The following NSUN5 variants were observed in gnomAD, a reference collection of about 807,000 sequenced individuals.
NSUN5 encodes the protein 28S rRNA (cytosine-C(5))-methyltransferase.
NSUN5 carries 39 observed loss-of-function variants against 51.1 expected under a neutral mutation model. That is an observed-to-expected ratio of 0.76 (90% CI 0.59 to 1.00). The LOEUF (loss-of-function observed/expected upper bound fraction) is 1.00. Ranked by LOEUF, NSUN5 falls within the 50% of genes least tolerant of loss-of-function variation. NSUN5 has a pLI of 0.00. For synonymous variants in NSUN5, 266 were observed against 271.5 expected, an observed-to-expected ratio of 0.98 and a Z score of 0.20; for missense variants, 526 against 614.0, an observed-to-expected ratio of 0.86 and a Z score of 1.51.
At position 73,303,638 on chromosome 7, in the gene NSUN5, G is replaced by C; in HGVS notation, c.1248C>G (p.Gly416=). 2 of 1,614,192 alleles carry C rather than the reference G, an allele frequency of 1.2e-6. No homozygotes were observed. The highest frequency in any genetic ancestry group is 1.7e-6 in the Non-Finnish European group (2 of 1,180,036). ...CCCGTTCAATTACAGCAACGAAGAA[G>C]CCACTGCTGAGTGTGGTCTCAGGGG... ...RASPETTLSS[G]FFVAVIERVE... Residue 416 remains glycine (G), a synonymous_variant, in exon 9 of 10, where the codon GGC becomes GGG. Coordinates refer to ENST00000438747, the MANE Select transcript of NSUN5 (RefSeq NM_148956.4).
rs2115669047 is a variant in NSUN5 at position 73,307,440 on chromosome 7, C to T, written c.454G>A (p.Asp152Asn). The T allele has an allele frequency of 6.2e-7, 1 of 1,614,126 alleles. No homozygotes were observed. The highest frequency in any genetic ancestry group is 2.2e-5 in the East Asian group (1 of 44,886). The change falls in exon 4 of 10, where the codon GAT becomes AAT. Residue 152 changes from aspartate (D) to asparagine (N), a missense_variant. Coordinates refer to ENST00000438747, the MANE Select transcript of NSUN5 (RefSeq NM_148956.4). ...TLKTCSDDVV[D>N]YFKRQGFSYQ... is the part of the protein sequence containing the mutation. ...GAGAAACCTTGTCTCTTGAAATAAT[C>T]AACTACATCATCGGAGCAGGTCTTG...
In NSUN5 at chr7:73,305,093, C is replaced by T. The variant is rs782511624; in HGVS notation, c.505G>A (p.Asp169Asn). The T allele has an allele frequency of 5.0e-6, 8 of 1,609,760 alleles. No homozygotes were observed. The highest frequency in any genetic ancestry group is 3.3e-5 in the South Asian group (3 of 90,858). ...TTCCCCTTGAGGGCTCGTAAGTCAT[C>T]GAGGCTGCCAGGGAAGAACCATTCA... The part of the protein sequence containing the change: ...FSYQGRASSL[D>N]DLRALKGKHF... Residue 169 changes from aspartate to asparagine, a missense_variant, in exon 5 of 10, where the codon GAT becomes AAT. By Grantham distance (23) the Asp-to-Asn change is conservative. Coordinates refer to ENST00000438747, the MANE Select transcript of NSUN5 (RefSeq NM_148956.4).
rs374889055 is a variant in NSUN5 at position 73,303,953 on chromosome 7, G to A, written c.1018C>T (p.Arg340Ter). The change falls in exon 8 of 10, where the codon CGA becomes TGA. Residue 340 changes from arginine to a stop codon, truncating the protein, a stop_gained. Transcript: ENST00000438747. LOFTEE classifies it high-confidence loss of function. ...RLHALAGFQQ[R>*]ALCHALTFPS... is the part of the protein sequence containing the mutation. ...AAAGTGAGTGCGTGGCACAGGGCTC[G>A]CTGCTGGAACCCTGCCAGGGCATGC... 54 of 1,613,892 alleles carry A rather than the reference G, an allele frequency of 3.3e-5. No individual in the cohort carries two copies. Among genetic ancestry groups the A allele is most frequent in the Admixed American group, 5.0e-5 (3 of 59,998 alleles).
chr7:73,303,649 G>A lies in NSUN5; in HGVS notation c.1237C>T (p.Leu413Phe), dbSNP rs1215355357. Residue 413 changes from leucine (L) to phenylalanine (F), a missense_variant, in exon 9 of 10, where the codon CTC (leucine) becomes TTC (phenylalanine). Coordinates refer to ENST00000438747, the MANE Select transcript of NSUN5 (RefSeq NM_148956.4). The stretch of plus-strand genomic sequence containing the variant: ...ACAGCAACGAAGAAGCCACTGCTGA[G>A]TGTGGTCTCAGGGGAGGCCCGGAGG... Reference protein sequence around the residue: ...HCLRASPETTLSSGFFVAVIE... With the variant: ...HCLRASPETTFSSGFFVAVIE... 1.2e-6 allele frequency: 2 copies of A among 1,614,086 alleles called. No homozygotes were observed. Among genetic ancestry groups the A allele is most frequent in the African/African-American group, 2.7e-5 (2 of 74,932 alleles).
intron 1 of NSUN5, 55 bp downstream of exon 1, chr7:73,308,643 C>T: frequency 6.3e-7 from 1 of 1,588,414 alleles, no homozygotes; most frequent in African/African-American, 1.3e-5. Flanking sequence ...GCCCGTCCGA[C>T]CCCACCCCGG....
At position 73,303,609 on chromosome 7, in the gene NSUN5, T is replaced by C. The variant is rs781890080; in HGVS notation, c.1277A>G (p.Glu426Gly). 1.2e-6 allele frequency: 2 copies of C among 1,614,168 alleles called. No individual in the cohort carries two copies. Among genetic ancestry groups the C allele is most frequent in the Admixed American group, 3.3e-5 (2 of 60,028 alleles). The change falls in exon 9 of 10, where the codon GAG (glutamate) becomes GGG (glycine). Residue 426 changes from glutamate to glycine, a missense_variant. Glu to Gly is a moderately conservative substitution (Grantham distance 98, BLOSUM62 -2). Transcript: ENST00000438747. ...GFFVAVIERV[E>G]VPSSASQAKA... ...GCCCCCACTCACTCACCTTGGCACCTCGACCCGTTCAATTACAGCAACGAA... is the reference window on the plus strand; with the variant it reads ...GCCCCCACTCACTCACCTTGGCACCCCGACCCGTTCAATTACAGCAACGAA...
chr7:73,302,993 G>A lies in NSUN5; in HGVS notation c.*422C>T, dbSNP rs1554540871. ...ACCTTATGTAAGGTAGACCCTCCTA[G>A]TGTCAGCACCTGAGCTAGTTTACCT... is the stretch of plus-strand genomic sequence containing the variant. On this transcript the variant is annotated 3_prime_UTR_variant, in exon 10 of 10. Coordinates refer to ENST00000438747, the MANE Select transcript of NSUN5 (RefSeq NM_148956.4). 8.2e-7 allele frequency: 1 copy of A among 1,219,816 alleles called. No homozygotes were observed. The highest frequency in any genetic ancestry group is 4.4e-5 in the East Asian group (1 of 22,622). 75.6% of individuals were successfully genotyped at this position (1,219,816 alleles called of 1,614,324 possible).
intron 4 of NSUN5, 147 bp downstream of exon 4, chr7:73,307,247 G>T: frequency 1.6e-6 from 1 of 617,962 alleles, no homozygotes. Flanking sequence ...TTAAGGGATG[G>T]CAGGAAGACA....
Position 73,308,423 on chromosome 7 carries a change from C to A in NSUN5, c.216+8G>T, listed in dbSNP as rs782217097. ...GGGTTCACTTCCCCGTCCCTCCCCT[C>A]CCCTCACCTTGGCCAGGTGCGGCCG... On this transcript the variant is annotated splice_region_variant and intron_variant, in intron 2 of 9. Coordinates refer to ENST00000438747, the MANE Select transcript of NSUN5 (RefSeq NM_148956.4). 4 of 1,595,202 alleles carry A rather than the reference C, an allele frequency of 2.5e-6. No homozygotes were observed. Among genetic ancestry groups the A allele is most frequent in the East Asian group, 2.2e-5 (1 of 44,554 alleles).
intron 2 of NSUN5, 116 bp from the exon 3 acceptor site, chr7:73,307,873 A>G (rs1298342659): frequency 3.3e-6 from 3 of 912,780 alleles, no homozygotes; most frequent in Non-Finnish European, 4.9e-6. Flanking sequence ...ATCACCTGAC[A>G]AGATACAGGT....
chr7:73,304,205 C>G (rs781967315), intron 7 of NSUN5, 25 bp downstream of exon 7: 2 of 1,586,494 alleles, frequency 1.3e-6, no homozygotes, highest in Non-Finnish European at 1.7e-6. Context: ...GCGAGTCCCT[C>G]GGCCACGCTT....
intron 4 of NSUN5, among the ~76,000 whole-genome samples, chr7:73,306,581 GA>G (rs1405316456): frequency 6.6e-6 from 1 of 151,714 alleles, no homozygotes; most frequent in East Asian, 2.0e-4. Context: ...CCGAGGGGCT[GA>G]AGAGAAAGGA....
At position 73,305,074 on chromosome 7, in the gene NSUN5, T is replaced by C. The variant is rs1374181854; in HGVS notation, c.524A>G (p.Lys175Arg). ...GGGGTCCAGGAGAAAATGCTTCCCC[T>C]TGAGGGCTCGTAAGTCATCGAGGCT... ...ASSLDDLRALKGKHFLLDPLM... is the reference protein window; with the variant it reads ...ASSLDDLRALRGKHFLLDPLM... The change falls in exon 5 of 10, where the codon AAG becomes AGG. Residue 175 changes from lysine (K) to arginine (R), a missense_variant. Coordinates refer to ENST00000438747, the MANE Select transcript of NSUN5 (RefSeq NM_148956.4). The C allele has an allele frequency of 1.4e-5, 23 of 1,610,466 alleles. 1 individual carries two copies. The highest frequency in any genetic ancestry group is 1.9e-5 in the Non-Finnish European group (22 of 1,177,846).
At chr7:73,307,873 A>C in intron 2 of NSUN5, 116 bp from the exon 3 acceptor site, 1 of 912,898 alleles carries the variant, frequency 1.1e-6, no homozygotes, top group South Asian at 1.8e-5. Context: ...ATCACCTGAC[A>C]AGATACAGGT....
Position 73,304,421 on chromosome 7 carries a change from A to G in NSUN5, c.756-13T>C. 6.2e-7 allele frequency: 1 copy of G among 1,605,076 alleles called. No homozygotes were observed. The highest frequency in any genetic ancestry group is 8.5e-7 in the Non-Finnish European group (1 of 1,175,546). On this transcript the variant is annotated splice_polypyrimidine_tract_variant and intron_variant, in intron 6 of 9. Transcript: ENST00000438747. Reference sequence around the variant, plus strand: ...GGCAAAGATCTTCCTAGGGCAAAGCAGGGGTGAGCTGAGCACGCATGGAGC... The same window carrying G: ...GGCAAAGATCTTCCTAGGGCAAAGCGGGGGTGAGCTGAGCACGCATGGAGC...
chr7:73,308,022 T>A (rs1453005257), intron 2 of NSUN5: 1 of 488,098 alleles, frequency 2.0e-6, no homozygotes, highest in African/African-American at 1.9e-5. Context: ...TTGCCAACAT[T>A]ACCCTTTCGT....
chr7:73,306,196 C>A (rs1322202061), intron 4 of NSUN5, among the ~76,000 whole-genome samples: 2 of 151,632 alleles, frequency 1.3e-5, no homozygotes, highest in Non-Finnish European at 2.9e-5. Context: ...ACCAGCCTGA[C>A]CAACATGGAG....
chr7:73,305,014 G>A lies in NSUN5; in HGVS notation c.584C>T (p.Thr195Ile), dbSNP rs1175175386. 5 of 1,611,326 alleles carry A rather than the reference G, an allele frequency of 3.1e-6. No homozygotes were observed. The highest frequency in any genetic ancestry group is 2.2e-5 in the East Asian group (1 of 44,870). ...MPELLVFPAQTDLHEHPLYRA... is the reference protein window; with the variant it reads ...MPELLVFPAQIDLHEHPLYRA... The stretch of plus-strand genomic sequence containing the variant: ...GTACAGTGGGTGTTCATGCAGATCT[G>A]TCTGGGCGGGAAACACCAGCAGCTC... The change falls in exon 5 of 10, where the codon ACA (threonine) becomes ATA (isoleucine). Residue 195 changes from threonine (T) to isoleucine (I), a missense_variant. Coordinates refer to ENST00000438747, the MANE Select transcript of NSUN5 (RefSeq NM_148956.4).
intron 7 of NSUN5, 88 bp from the exon 8 acceptor site, chr7:73,304,124 G>C (rs1554541403): frequency 6.4e-7 from 1 of 1,569,564 alleles, no homozygotes; most frequent in African/African-American, 1.4e-5. Flanking sequence ...TTTTGTCCCA[G>C]GGTCCCAAGC....
Sources: allele counts gnomAD v4.1 joint callset (sites outside exome capture counted in the v4.1 genomes callset), GRCh38; gene constraint gnomAD v4.1.1; transcripts MANE v1.5; gene names NCBI Gene and HGNC (gene_info 2026-07-23, HGNC 2026-07-21).